FBXO41: variants seen among roughly 807,000 people sequenced by gnomAD.
FBXO41 encodes F-box protein 41, also known as F-box only protein 41.
In FBXO41, 33 loss-of-function variants were observed where a neutral mutation model predicts 81.6. That is an observed-to-expected ratio of 0.40 (90% CI 0.31 to 0.54). The LOEUF is 0.54. FBXO41 is among the 20% of genes least tolerant of loss of function. The probability of loss-of-function intolerance (pLI) is 0.39; values close to 1 mark genes in which losing one functional copy is unlikely to be tolerated. For missense variants in FBXO41, 1,107 were observed against 1,236.0 expected (o/e 0.90, Z 1.56); for synonymous variants, 576 against 552.7 (o/e 1.04, Z -0.59).
Position 73,264,291 on chromosome 2 carries a change from C to G in FBXO41, c.1793G>C (p.Arg598Pro). Reference sequence around the variant, plus strand: ...AGGGGCAGGTACCTTGGAGCAGACACGGGCATTCTCAAGCAGCACCCTTGT... The same window carrying G: ...AGGGGCAGGTACCTTGGAGCAGACAGGGGCATTCTCAAGCAGCACCCTTGT... The part of the protein sequence containing the change: ...VWTRVLLENA[R>P]VCSKFLAMLA... The change falls in exon 6 of 13, where the codon CGT becomes CCT. Residue 598 changes from arginine (R) to proline (P), a missense_variant. Coordinates refer to ENST00000520530, the MANE Select transcript of FBXO41 (RefSeq NM_001371389.2). The G allele has an allele frequency of 6.2e-7, 1 of 1,613,426 alleles. No homozygotes were observed. Among genetic ancestry groups the G allele is most frequent in the Non-Finnish European group, 8.5e-7 (1 of 1,179,880 alleles).
intron 2 of FBXO41, among the ~76,000 whole-genome samples, chr2:73,267,737 C>T (rs1688320200): frequency 6.6e-6 from 1 of 152,232 alleles, no homozygotes; most frequent in Non-Finnish European, 1.5e-5. Flanking sequence ...AACATCAGTG[C>T]TTAGCCTGGC....
In FBXO41 at chr2:73,266,729, C is replaced by T; in HGVS notation, c.906-47G>A. 6.7e-7 allele frequency: 1 copy of T among 1,492,208 alleles called. No individual in the cohort carries two copies. The highest frequency in any genetic ancestry group is 1.8e-4 in the Middle Eastern group (1 of 5,424). The allele number at this position is 1,492,208 out of a possible 1,614,324, so 92.4% of individuals were successfully genotyped here. ...ACCCCAGAGCCTCAGCCTGCCTGCCCACCCACCCTCTGGAGGAGAGCCTGG... is the reference window on the plus strand; with the variant it reads ...ACCCCAGAGCCTCAGCCTGCCTGCCTACCCACCCTCTGGAGGAGAGCCTGG... On this transcript the variant is annotated intron_variant, in intron 2 of 12. Transcript: ENST00000520530. This position sits in a 1 kb window ranked among gnomAD's most constrained non-coding sequence, Gnocchi z 5.3.
chr2:73,274,115 A>G (rs971483596), intron 1 of FBXO41, among the ~76,000 whole-genome samples: 4 of 152,262 alleles, frequency 2.6e-5, no homozygotes, highest in African/African-American at 9.6e-5. Flanking sequence ...AAGGCATCGG[A>G]TTCCTCTGCT....
Position 73,269,841 on chromosome 2 carries a change from A to G in FBXO41, c.-138-73T>C, listed in dbSNP as rs538029127. On this transcript the variant is annotated intron_variant, in intron 1 of 12. Coordinates refer to ENST00000520530, the MANE Select transcript of FBXO41 (RefSeq NM_001371389.2). The surrounding 1 kb of genome is among the most constrained non-coding windows in gnomAD (Gnocchi z 7.0). Reference sequence around the variant, plus strand: ...CCCTGGCTCCCAGCCCGGAGCCCTCATCCCCCAGCCATGAGGAAATCAGCA... The same window carrying G: ...CCCTGGCTCCCAGCCCGGAGCCCTCGTCCCCCAGCCATGAGGAAATCAGCA... The G allele has an allele frequency of 4.8e-6, 1 of 210,074 alleles. No homozygotes were observed. Among genetic ancestry groups the G allele is most frequent in the African/African-American group, 2.3e-5 (1 of 42,858 alleles). The allele number at this position is 210,074 out of a possible 1,614,324, so 13.0% of individuals were successfully genotyped here.
rs762449007 is a variant in FBXO41 at position 73,263,667 on chromosome 2, G to A, written c.2075+11C>T. The A allele has an allele frequency of 1.6e-5, 26 of 1,612,504 alleles. No individual in the cohort carries two copies. The South Asian group carries it at 1.6e-4, about 10-fold the overall frequency. On this transcript the variant is annotated intron_variant, in intron 8 of 12. Transcript: ENST00000520530. ...GAGGGAACAGGCCATGCTTCTAGTC[G>A]GTTGACCCACCTGTACGTGACAGCC...
chr2:73,269,705 C>T lies in FBXO41; in HGVS notation c.-75G>A. The T allele has an allele frequency of 9.4e-7, 1 of 1,066,682 alleles. No individual in the cohort carries two copies. Among genetic ancestry groups the T allele is most frequent in the Middle Eastern group, 4.0e-4 (1 of 2,516 alleles). The allele number at this position is 1,066,682 out of a possible 1,614,324, so 66.1% of individuals were successfully genotyped here. The stretch of plus-strand genomic sequence containing the variant: ...GTCAGCCGGGCGCGCTCATGGGGGA[C>T]CGCGGGCGAGGCCCCCTGCGGGGTC... On this transcript the variant is annotated 5_prime_UTR_variant, in exon 2 of 13. Transcript: ENST00000520530. The surrounding 1 kb of genome is among the most constrained non-coding windows in gnomAD (Gnocchi z 7.0).
chr2:73,283,602 C>T (rs1235657468), intron 1 of FBXO41, among the ~76,000 whole-genome samples: 2 of 152,236 alleles, frequency 1.3e-5, no homozygotes, highest in Non-Finnish European at 1.5e-5. Flanking sequence ...CAAGGCAATG[C>T]GGAGGGGCGC....
chr2:73,265,783 C>T lies in FBXO41; in HGVS notation c.1205+110G>A, dbSNP rs575827427. On this transcript the variant is annotated intron_variant, in intron 4 of 12. Coordinates refer to ENST00000520530, the MANE Select transcript of FBXO41 (RefSeq NM_001371389.2). Reference sequence around the variant, plus strand: ...CTCTGGGTGTGGAAAGGCAGACATACGTGACCCAGGGAGGGTAGGGGCAGG... The same window carrying T: ...CTCTGGGTGTGGAAAGGCAGACATATGTGACCCAGGGAGGGTAGGGGCAGG... 4.5e-5 allele frequency: 65 copies of T among 1,447,076 alleles called. No individual in the cohort carries two copies. In the African/African-American group the frequency reaches 6.1e-4, roughly 13 times the overall value. The allele number at this position is 1,447,076 out of a possible 1,614,324, so 89.6% of individuals were successfully genotyped here.
chr2:73,264,588 G>T, intron 5 of FBXO41, 69 bp from the exon 6 acceptor site: 2 of 1,591,538 alleles, frequency 1.3e-6, no homozygotes, highest in Non-Finnish European at 8.5e-7. Context: ...TGTGTGGGGA[G>T]CTGGGGCAGG....
At position 73,269,094 on chromosome 2, in the gene FBXO41, AGGGCCG is replaced by A. The variant is rs1283549635; in HGVS notation, c.531_536del (p.Gly178_Pro179del). ...GCGAAGCGGAGGCAGGCCCGGGGCAAGGGCCGGGGCCGGGGCCAGGCGGCGGCGTCG... is the reference window on the plus strand; with the variant it reads ...GCGAAGCGGAGGCAGGCCCGGGGCAAGGGCCGGGGCCAGGCGGCGGCGTCG... On this transcript the variant is annotated inframe_deletion, in exon 2 of 13. Coordinates refer to ENST00000520530, the MANE Select transcript of FBXO41 (RefSeq NM_001371389.2). This position sits in a 1 kb window ranked among gnomAD's most constrained non-coding sequence, Gnocchi z 7.0. 3 of 1,506,852 alleles carry A rather than the reference AGGGCCG, an allele frequency of 2.0e-6. No individual in the cohort carries two copies. The highest frequency in any genetic ancestry group is 2.5e-5 in the South Asian group (2 of 79,094). The allele number at this position is 1,506,852 out of a possible 1,614,324, so 93.3% of individuals were successfully genotyped here. A position where few individuals can be genotyped will look rare whatever the true frequency, so the allele number is the denominator to read the frequency against.
chr2:73,269,084 G>C lies in FBXO41; in HGVS notation c.547C>G (p.Pro183Ala). ...GGGGACGCGGGCGAAGCGGAGGCAG[G>C]CCCGGGGCAAGGGCCGGGGCCGGGG... ...PGPGPGPCPG[P>A]ASASPASPSP... Residue 183 changes from proline to alanine, a missense_variant, in exon 2 of 13, where the codon CCT becomes GCT. Around this residue, in one of 2 missense-constraint regions of FBXO41, gnomAD observed 771 missense variants for 789.2 expected, o/e 0.98. Coordinates refer to ENST00000520530, the MANE Select transcript of FBXO41 (RefSeq NM_001371389.2). The surrounding 1 kb of genome is among the most constrained non-coding windows in gnomAD (Gnocchi z 7.0). 1 of 1,509,394 alleles carries C rather than the reference G, an allele frequency of 6.6e-7. No individual in the cohort carries two copies. 93.5% of individuals were successfully genotyped at this position (1,509,394 alleles called of 1,614,324 possible). A position where few individuals can be genotyped will look rare whatever the true frequency, so the allele number is the denominator to read the frequency against.
chr2:73,259,125 C>A lies in FBXO41; in HGVS notation c.2565+56G>T, dbSNP rs1409537494. The A allele has an allele frequency of 3.7e-6, 6 of 1,611,208 alleles. No individual in the cohort carries two copies. The African/African-American group carries it at 5.3e-5, about 14-fold the overall frequency. ...CTGCCACACTCACCCAGGTCACCAG[C>A]CCCAGTCTAGGGATGCCACTTGGGG... On this transcript the variant is annotated intron_variant, in intron 12 of 12. Coordinates refer to ENST00000520530, the MANE Select transcript of FBXO41 (RefSeq NM_001371389.2). The surrounding 1 kb of genome is among the most constrained non-coding windows in gnomAD (Gnocchi z 4.2).
chr2:73,260,764 C>A lies in FBXO41; in HGVS notation c.2266G>T (p.Gly756Trp). 1 of 1,555,852 alleles carries A rather than the reference C, an allele frequency of 6.4e-7. No homozygotes were observed. The highest frequency in any genetic ancestry group is 1.2e-5 in the South Asian group (1 of 84,394). ...RALGVGGAGC[G>W]VQGLASLARN... is the part of the protein sequence containing the mutation. ...CCGAGTGATGCCAGGCCCTGCACCC[C>A]ACAGCCGGCACCCCCGACCCCCAGG... Residue 756 changes from glycine (G) to tryptophan (W), a missense_variant, in exon 10 of 13, where the codon GGG (glycine) becomes TGG (tryptophan). By Grantham distance (184) the Gly-to-Trp change is radical. Around this residue, in one of 2 missense-constraint regions of FBXO41, gnomAD observed 336 missense variants for 446.7 expected, o/e 0.75. Coordinates refer to ENST00000520530, the MANE Select transcript of FBXO41 (RefSeq NM_001371389.2). This position sits in a 1 kb window ranked among gnomAD's most constrained non-coding sequence, Gnocchi z 5.0.
Position 73,266,853 on chromosome 2 carries a change from A to C in FBXO41, c.906-171T>G. ...CTAGCACACAGCCCCGCACGATGAC[A>C]CATACAGAAATGCATGCATGCACTC... On this transcript the variant is annotated intron_variant, in intron 2 of 12. Transcript: ENST00000520530. The surrounding 1 kb of genome is among the most constrained non-coding windows in gnomAD (Gnocchi z 5.3). 1 of 1,071,700 alleles carries C rather than the reference A, an allele frequency of 9.3e-7. No homozygotes were observed. The highest frequency in any genetic ancestry group is 1.2e-6 in the Non-Finnish European group (1 of 808,854). The allele number at this position is 1,071,700 out of a possible 1,614,324, so 66.4% of individuals were successfully genotyped here.
Position 73,266,871 on chromosome 2 carries a change from A to G in FBXO41, c.906-189T>C. On this transcript the variant is annotated intron_variant, in intron 2 of 12. Transcript: ENST00000520530. The surrounding 1 kb of genome is among the most constrained non-coding windows in gnomAD (Gnocchi z 5.3). ...CGATGACACATACAGAAATGCATGC[A>G]TGCACTCCGAGCCACACACTCACAC... 9 of 881,666 alleles carry G rather than the reference A, an allele frequency of 1.0e-5. No individual in the cohort carries two copies. The South Asian group carries it at 2.2e-4, about 21-fold the overall frequency. 54.6% of individuals were successfully genotyped at this position (881,666 alleles called of 1,614,324 possible). A position where few individuals can be genotyped will look rare whatever the true frequency, so the allele number is the denominator to read the frequency against.
intron 1 of FBXO41, among the ~76,000 whole-genome samples, chr2:73,282,003 C>CT (rs1278996340): frequency 3.9e-5 from 6 of 152,138 alleles, no homozygotes; most frequent in East Asian, 3.9e-4. Context: ...CAATAAATTT[C>CT]TTTTTTTTGA....
intron 1 of FBXO41, among the ~76,000 whole-genome samples, chr2:73,271,871 T>C (rs2103896924): frequency 6.6e-6 from 1 of 152,326 alleles, no homozygotes; most frequent in Non-Finnish European, 1.5e-5. Context: ...CCTCAAGTGA[T>C]CCACCTGCCT....
rs1382748059 is a variant in FBXO41, at chr2:73,258,433, G to A, written c.*549C>T. 1 of 152,486 alleles carries A rather than the reference G, an allele frequency of 6.6e-6. No homozygotes were observed. The highest frequency in any genetic ancestry group is 1.5e-5 in the Non-Finnish European group (1 of 68,298). 9.4% of individuals were successfully genotyped at this position (152,486 alleles called of 1,614,324 possible). On this transcript the variant is annotated 3_prime_UTR_variant, in exon 13 of 13. Transcript: ENST00000520530. Reference sequence around the variant, plus strand: ...GGCTGACCACGTGCCCAGGCCCCTAGGTCTGGCTGTGGTACCCCCAGGAAA... The same window carrying A: ...GGCTGACCACGTGCCCAGGCCCCTAAGTCTGGCTGTGGTACCCCCAGGAAA...
chr2:73,277,424 G>A (rs1034987095), intron 1 of FBXO41, among the ~76,000 whole-genome samples: 1 of 152,172 alleles, frequency 6.6e-6, no homozygotes, highest in Non-Finnish European at 1.5e-5. Flanking sequence ...TGTACTATGA[G>A]CACCATGACA....
Sources: allele counts gnomAD v4.1 joint callset (sites outside exome capture counted in the v4.1 genomes callset), GRCh38; gene constraint gnomAD v4.1.1; regional missense constraint gnomAD v4.1.1; non-coding constraint Gnocchi (gnomAD v3.1); transcripts MANE v1.5; gene names NCBI Gene and HGNC (gene_info 2026-07-23, HGNC 2026-07-21).